The following DOCK3 variants were observed in gnomAD, a reference collection of about 807,000 sequenced individuals.
DOCK3 encodes dedicator of cytokinesis 3.
In DOCK3, 60 loss-of-function variants were observed where a neutral mutation model predicts 265.6. That is an observed-to-expected ratio of 0.23 (90% CI 0.18 to 0.28). The LOEUF (loss-of-function observed/expected upper bound fraction) is 0.28. Ranked by LOEUF, DOCK3 falls within the 10% of genes least tolerant of loss-of-function variation. The pLI is 1.00. For missense variants in DOCK3, 1,981 were observed against 2,594.3 expected (o/e 0.76, Z 5.14); for synonymous variants, 881 against 938.0 (o/e 0.94, Z 1.11).
chr3:51,115,152 A>G (rs1039746134), intron 9 of DOCK3, among the ~76,000 whole-genome samples: 1 of 152,202 alleles, frequency 6.6e-6, no homozygotes, highest in Non-Finnish European at 1.5e-5. Context: ...TCCTTAGGGT[A>G]TATACCCAGT....
rs376705311 is a variant in DOCK3, at chr3:51,082,336, C to G, written c.549+6896C>G. 3.2e-4 allele frequency among the ~76,000 whole-genome samples: 48 copies of G among 152,184 alleles called. 1 individual carries two copies. The highest frequency in any genetic ancestry group is 2.2e-3 in the Admixed American group (34 of 15,296). ...ACCCCTGGAGCCCTGCTGACATCCC[C>G]CTATGTCCATTCAGAGGGCTGCAGC... On this transcript the variant is annotated intron_variant, in intron 7 of 52. Transcript: ENST00000266037.
chr3:51,170,430 T>C (rs1231987710), intron 12 of DOCK3, among the ~76,000 whole-genome samples: 2 of 152,188 alleles, frequency 1.3e-5, no homozygotes, highest in African/African-American at 4.8e-5. Flanking sequence ...GTATTCTTAT[T>C]ATTGATTTTT....
intron 5 of DOCK3, among the ~76,000 whole-genome samples, chr3:51,040,977 C>A (rs2080457130): frequency 6.6e-6 from 1 of 151,710 alleles, no homozygotes; most frequent in African/African-American, 2.4e-5. Context: ...CACTTGAAGT[C>A]ATTCATGAGG....
chr3:50,766,121 A>C (rs895214100), intron 1 of DOCK3, among the ~76,000 whole-genome samples: 28 of 152,086 alleles, frequency 1.8e-4, no homozygotes, highest in African/African-American at 6.5e-4. Flanking sequence ...ATGGCTGAAT[A>C]GTATTCTTTT....
intron 33 of DOCK3, among the ~76,000 whole-genome samples, chr3:51,330,668 A>G (rs1576827776): frequency 1.3e-5 from 2 of 152,220 alleles, no homozygotes; most frequent in South Asian, 2.1e-4. Flanking sequence ...ACAAGCTGCA[A>G]CACTCTTTCC....
chr3:51,275,028 G>A, intron 24 of DOCK3, 51 bp from the exon 25 acceptor site: 1 of 1,612,082 alleles, frequency 6.2e-7, no homozygotes, highest in East Asian at 2.2e-5. Flanking sequence ...GCTTCCTGCA[G>A]TAGCTAGTTC....
intron 27 of DOCK3, among the ~76,000 whole-genome samples, chr3:51,299,468 G>A (rs1285117527): frequency 6.6e-6 from 1 of 152,104 alleles, no homozygotes; most frequent in African/African-American, 2.4e-5. Flanking sequence ...TGCTTTTGAT[G>A]TTTTTATCAT....
At chr3:50,804,632 G>C (rs558661507) in intron 2 of DOCK3, among the ~76,000 whole-genome samples, 1 of 152,164 alleles carries the variant, frequency 6.6e-6, no homozygotes, top group African/African-American at 2.4e-5. Context: ...CCAGGCACTC[G>C]GCAGGCTGAA....
chr3:51,355,682 A>G (rs2086313277), intron 41 of DOCK3, among the ~76,000 whole-genome samples: 1 of 152,128 alleles, frequency 6.6e-6, no homozygotes, highest in South Asian at 2.1e-4. Context: ...AAAATTTCAA[A>G]CAGTATTTTA....
chr3:50,712,797 G>T (rs571628534), intron 1 of DOCK3, among the ~76,000 whole-genome samples: 30 of 152,226 alleles, frequency 2.0e-4, no homozygotes, highest in African/African-American at 6.3e-4. Context: ...ACTGTTACAG[G>T]AGATCGATTA....
At chr3:51,167,378 T>G (rs918299655) in intron 12 of DOCK3, among the ~76,000 whole-genome samples, 5 of 152,334 alleles carry the variant, frequency 3.3e-5, no homozygotes, top group Middle Eastern at 3.4e-3. Context: ...TCAGGAAGTG[T>G]GATGCCCCTA....
At chr3:50,978,830 C>T (rs1298815811) in intron 5 of DOCK3, among the ~76,000 whole-genome samples, 1 of 152,170 alleles carries the variant, frequency 6.6e-6, no homozygotes, top group Non-Finnish European at 1.5e-5. Flanking sequence ...GAGCCACGTG[C>T]GGGATATAAT....
intron 9 of DOCK3, among the ~76,000 whole-genome samples, chr3:51,127,962 C>T (rs2084340848): frequency 6.6e-6 from 1 of 152,160 alleles, no homozygotes; most frequent in Admixed American, 6.6e-5. Context: ...CGTTGTGGAG[C>T]AGTAGACTGA....
At chr3:51,108,620 G>A (rs1257230386) in intron 9 of DOCK3, among the ~76,000 whole-genome samples, 5 of 152,080 alleles carry the variant, frequency 3.3e-5, no homozygotes, top group African/African-American at 1.2e-4. Flanking sequence ...AAGACCCAGT[G>A]GTATGCTGTC....
At chr3:51,114,758 C>T (rs888953618) in intron 9 of DOCK3, among the ~76,000 whole-genome samples, 5 of 152,094 alleles carry the variant, frequency 3.3e-5, no homozygotes, top group Admixed American at 6.5e-5. Flanking sequence ...CACCCATCAA[C>T]CTGTCATTTA....
intron 2 of DOCK3, among the ~76,000 whole-genome samples, chr3:50,837,155 C>G (rs1318857711): frequency 1.3e-5 from 2 of 152,224 alleles, no homozygotes; most frequent in African/African-American, 2.4e-5. Context: ...CTGTCTTCTT[C>G]TGAGCCCTTC....
chr3:50,981,698 C>G (rs12488700), intron 5 of DOCK3, among the ~76,000 whole-genome samples: 10,926 of 151,898 alleles, frequency 0.072, 983 homozygotes, highest in East Asian at 0.33. Flanking sequence ...TGTGTAATGA[C>G]TTTCTTTATC....
intron 5 of DOCK3, among the ~76,000 whole-genome samples, chr3:51,063,734 A>T (rs991179093): frequency 6.6e-6 from 1 of 152,206 alleles, no homozygotes; most frequent in Admixed American, 6.5e-5. Context: ...TTTCTGAAGC[A>T]TCTATTCTCA....
intron 5 of DOCK3, among the ~76,000 whole-genome samples, chr3:50,948,218 G>A (rs1203004433): frequency 1.3e-5 from 2 of 150,774 alleles, no homozygotes; most frequent in Admixed American, 6.6e-5. Flanking sequence ...CACTGCACCC[G>A]GCTAATTTTT....
Sources: allele counts gnomAD v4.1 joint callset (sites outside exome capture counted in the v4.1 genomes callset), GRCh38; gene constraint gnomAD v4.1.1; transcripts MANE v1.5; gene names NCBI Gene and HGNC (gene_info 2026-07-23, HGNC 2026-07-21).